RMDN2: variants seen among roughly 807,000 people sequenced by gnomAD.
The protein encoded by RMDN2 is regulator of microtubule dynamics 2, also known as regulator of microtubule dynamics protein 2.
RMDN2 carries 61 observed loss-of-function variants against 52.8 expected under a neutral mutation model. That is an observed-to-expected ratio of 1.16 (90% confidence interval 0.94 to 1.43). The LOEUF is 1.43. RMDN2 is among the 40% of genes most tolerant of loss of function. RMDN2 has a pLI of 0.00. For missense variants in RMDN2, 592 were observed against 475.3 expected (o/e 1.25, Z -2.28); for synonymous variants, 180 against 153.1 (o/e 1.18, Z -1.30).
intron 4 of RMDN2, among the ~76,000 whole-genome samples, chr2:37,977,079 T>G (rs1672571568): frequency 6.6e-6 from 1 of 152,146 alleles, no homozygotes; most frequent in Non-Finnish European, 1.5e-5. Context: ...CAAGCATCTG[T>G]TTAACAAAGC....
At chr2:37,981,858 A>G (rs1344288004) in intron 5 of RMDN2, among the ~76,000 whole-genome samples, 1 of 151,868 alleles carries the variant, frequency 6.6e-6, no homozygotes, top group Non-Finnish European at 1.5e-5. Flanking sequence ...TTGTGTTTGG[A>G]CCCTTTGTAT....
At chr2:38,044,794 T>A (rs1681172680) in intron 10 of RMDN2, among the ~76,000 whole-genome samples, 1 of 152,152 alleles carries the variant, frequency 6.6e-6, no homozygotes, top group South Asian at 2.1e-4. Flanking sequence ...TATTCTTGCA[T>A]GTTGTCTACT....
At chr2:38,046,898 G>A (rs1355121403) in intron 10 of RMDN2, among the ~76,000 whole-genome samples, 2 of 151,766 alleles carry the variant, frequency 1.3e-5, no homozygotes, top group Admixed American at 6.6e-5. Context: ...CAGAAGAATC[G>A]CTTGAACCCA....
chr2:38,006,908 G>T (rs991801532), intron 10 of RMDN2, among the ~76,000 whole-genome samples: 1 of 152,116 alleles, frequency 6.6e-6, no homozygotes, highest in Non-Finnish European at 1.5e-5. Flanking sequence ...AGGGTTTTTA[G>T]CATGAAGTGT....
chr2:38,058,435 C>T (rs1681921902), intron 10 of RMDN2, among the ~76,000 whole-genome samples: 1 of 152,206 alleles, frequency 6.6e-6, no homozygotes, highest in Non-Finnish European at 1.5e-5. Context: ...CTTGGAGAAG[C>T]AACGCCCCAG....
intron 10 of RMDN2, among the ~76,000 whole-genome samples, chr2:38,051,128 C>G (rs1227673113): frequency 1.3e-5 from 2 of 152,172 alleles, no homozygotes; most frequent in African/African-American, 2.4e-5. Flanking sequence ...AAGGATTAAG[C>G]TAGACTTGAG....
chr2:38,048,979 G>T (rs1681435106), intron 10 of RMDN2, among the ~76,000 whole-genome samples: 1 of 152,202 alleles, frequency 6.6e-6, no homozygotes, highest in Admixed American at 6.5e-5. Context: ...CATGGTATTT[G>T]GTGATAGGGC....
chr2:37,972,424 A>T (rs1671926743), intron 2 of RMDN2, among the ~76,000 whole-genome samples: 1 of 152,194 alleles, frequency 6.6e-6, no homozygotes, highest in South Asian at 2.1e-4. Context: ...TTCAAGGAAT[A>T]TCAAGGAAGT....
intron 2 of RMDN2, among the ~76,000 whole-genome samples, chr2:37,953,269 A>G (rs373467814): frequency 4.6e-5 from 7 of 152,008 alleles, no homozygotes; most frequent in African/African-American, 1.7e-4. Context: ...ATTGTTGTAC[A>G]GCCATCACCA....
At chr2:37,939,803 C>G (rs1667622460) in intron 2 of RMDN2, among the ~76,000 whole-genome samples, 1 of 152,078 alleles carries the variant, frequency 6.6e-6, no homozygotes, top group African/African-American at 2.4e-5. Flanking sequence ...AGATGGGTCC[C>G]CTAAATACAG....
At chr2:38,049,335 T>C (rs1198655836) in intron 10 of RMDN2, among the ~76,000 whole-genome samples, 1 of 152,192 alleles carries the variant, frequency 6.6e-6, no homozygotes, top group Non-Finnish European at 1.5e-5. Flanking sequence ...GCTCTCACAG[T>C]GGACTGGACC....
At chr2:37,942,157 A>G (rs1572720400) in intron 2 of RMDN2, among the ~76,000 whole-genome samples, 1 of 151,994 alleles carries the variant, frequency 6.6e-6, no homozygotes, top group Admixed American at 6.6e-5. Context: ...TAGGGGAGGG[A>G]GTTCTCCGAC....
At chr2:37,965,987 T>C (rs1039876687) in intron 2 of RMDN2, among the ~76,000 whole-genome samples, 3 of 152,242 alleles carry the variant, frequency 2.0e-5, no homozygotes, top group African/African-American at 7.2e-5. Flanking sequence ...CTGATGATTT[T>C]ATTGAGGAAT....
At chr2:38,027,452 TCAC>T (rs1336043617) in intron 10 of RMDN2, 2 of 152,200 alleles carry the variant, frequency 1.3e-5, no homozygotes, top group Non-Finnish European at 2.9e-5. Flanking sequence ...AATCTGCTCC[TCAC>T]CACACTTTCC....
intron 2 of RMDN2, among the ~76,000 whole-genome samples, chr2:37,965,892 G>T (rs183988825): frequency 5.6e-4 from 86 of 152,224 alleles, no homozygotes; most frequent in Admixed American, 5.6e-3. Flanking sequence ...AGAAATCTCA[G>T]GTAACAGGTT....
rs34037094 is a variant in RMDN2 at position 38,065,824 on chromosome 2, T to C, written c.1714-1158T>C. On this transcript the variant is annotated intron_variant, in intron 10 of 10. Coordinates refer to the RMDN2 transcript ENST00000234195. ...AGACAAAGCATGACTGCTTGTTTGT[T>C]TGGCTTTTGGTTTTGCCTAAAGAAC... Among the ~76,000 whole-genome samples the C allele has an allele frequency of 2.4e-3, 370 of 152,354 alleles. 3 individuals carry two copies. Among genetic ancestry groups the C allele is most frequent in the African/African-American group, 8.7e-3 (362 of 41,580 alleles).
intron 10 of RMDN2, among the ~76,000 whole-genome samples, chr2:38,033,548 A>T (rs994347995): frequency 1.3e-5 from 2 of 152,256 alleles, no homozygotes; most frequent in Non-Finnish European, 2.9e-5. Flanking sequence ...TATGTTTCTT[A>T]CATTGTTATC....
At chr2:37,940,053 A>G (rs985388962) in intron 2 of RMDN2, among the ~76,000 whole-genome samples, 8 of 152,098 alleles carry the variant, frequency 5.3e-5, no homozygotes, top group Non-Finnish European at 1.2e-4. Flanking sequence ...TGCTTCCTTC[A>G]GGAGCTCTTG....
At chr2:37,930,610 A>C (rs1481313371) in intron 2 of RMDN2, among the ~76,000 whole-genome samples, 1 of 152,200 alleles carries the variant, frequency 6.6e-6, no homozygotes, top group African/African-American at 2.4e-5. Flanking sequence ...GGGAGACCAA[A>C]GACTTACTTT....
Sources: gnomAD v4.1 joint callset for allele counts (sites outside exome capture counted in the v4.1 genomes callset) on GRCh38, gnomAD v4.1.1 for gene constraint, MANE v1.5 for transcripts, NCBI Gene and HGNC (gene_info 2026-07-23, HGNC 2026-07-21) for gene names.